The following PTPRD variants were observed in gnomAD, a reference collection of about 807,000 sequenced individuals.
PTPRD encodes receptor-type tyrosine-protein phosphatase delta.
Under a neutral mutation model 214.5 loss-of-function variants are expected in PTPRD, and 34 were observed. The ratio of observed to expected loss-of-function variants is 0.16; its 90% CI spans 0.12 to 0.21. PTPRD has a LOEUF of 0.21. Ranked by LOEUF, PTPRD falls within the 10% of genes least tolerant of loss-of-function variation. The pLI is 1.00. For missense variants in PTPRD, 2,545 were observed against 2,398.7 expected (o/e 1.06, Z -1.27); for synonymous variants, 1,128 against 845.7 (o/e 1.33, Z -5.79).
intron 3 of PTPRD, among the ~76,000 whole-genome samples, chr9:10,271,281 C>A (rs1246994345): frequency 2.0e-5 from 3 of 152,110 alleles, no homozygotes; most frequent in African/African-American, 7.2e-5. Flanking sequence ...AGAAGACAAT[C>A]TATGTACATT....
Position 9,950,586 on chromosome 9 carries a change from A to AGGTGGTGGACGCCTGTAGTC in PTPRD, c.-471-11996_-471-11977dup, listed in dbSNP as rs984669440. Among the ~76,000 whole-genome samples the AGGTGGTGGACGCCTGTAGTC allele has an allele frequency of 6.1e-5, 5 of 81,416 alleles. 1 individual carries two copies. Among genetic ancestry groups the AGGTGGTGGACGCCTGTAGTC allele is most frequent in the African/African-American group, 3.2e-4 (3 of 9,374 alleles). 53.4% of individuals were successfully genotyped at this position (81,416 alleles called of 152,430 possible). On this transcript the variant is annotated intron_variant, in intron 4 of 45. Coordinates refer to ENST00000381196, the MANE Select transcript of PTPRD (RefSeq NM_002839.4). ...AAAAATACAAAAAATTAGCCGGGCG[A>AGGTGGTGGACGCCTGTAGTC]GGTGGTGGACGCCTGTAGTCCCAGC...
intron 4 of PTPRD, among the ~76,000 whole-genome samples, chr9:9,941,128 G>C (rs1566557457): frequency 6.6e-6 from 1 of 152,152 alleles, no homozygotes; most frequent in Non-Finnish European, 1.5e-5. Flanking sequence ...TTGTGAATTT[G>C]TGTTGGGCTA....
Position 8,553,554 on chromosome 9 carries a change from T to C in PTPRD, c.353-24775A>G, listed in dbSNP as rs112189116. Among the ~76,000 whole-genome samples, 347 of 152,260 alleles carry C rather than the reference T, an allele frequency of 2.3e-3. 4 individuals are homozygous for C. The highest frequency in any genetic ancestry group is 7.6e-3 in the African/African-American group (314 of 41,542). On this transcript the variant is annotated intron_variant, in intron 14 of 45. Transcript: ENST00000381196. Reference sequence around the variant, plus strand: ...ATCAACTACACTATCTACCAGGAGATAGTAATAATAAATACGAAAGCTATA... The same window carrying C: ...ATCAACTACACTATCTACCAGGAGACAGTAATAATAAATACGAAAGCTATA...
intron 3 of PTPRD, among the ~76,000 whole-genome samples, chr9:10,249,151 A>T (rs1238875682): frequency 1.3e-5 from 2 of 152,182 alleles, no homozygotes; most frequent in African/African-American, 4.8e-5. Flanking sequence ...ATTTTGAGAC[A>T]TCTATGCTTT....
chr9:8,344,767 T>C (rs1855942075), intron 39 of PTPRD, among the ~76,000 whole-genome samples: 1 of 152,028 alleles, frequency 6.6e-6, no homozygotes, highest in Non-Finnish European at 1.5e-5. Flanking sequence ...TGGCTGTGTG[T>C]CCTTGAGAAA....
chr9:8,702,790 G>C (rs1597412472), intron 12 of PTPRD, among the ~76,000 whole-genome samples: 1 of 152,144 alleles, frequency 6.6e-6, no homozygotes, highest in Non-Finnish European at 1.5e-5. Context: ...TGTATTTTTA[G>C]TAAAGACGGG....
chr9:8,756,884 T>C (rs2094027448), intron 11 of PTPRD, among the ~76,000 whole-genome samples: 1 of 152,154 alleles, frequency 6.6e-6, no homozygotes, highest in Non-Finnish European at 1.5e-5. Flanking sequence ...CTCAAGCATG[T>C]AATCCCAGCA....
At chr9:9,100,979 A>T (rs1450062769) in intron 10 of PTPRD, among the ~76,000 whole-genome samples, 1 of 151,456 alleles carries the variant, frequency 6.6e-6, no homozygotes, top group Non-Finnish European at 1.5e-5. Flanking sequence ...GTGAAAGCAG[A>T]TTTATTTTGT....
At chr9:9,644,908 C>A (rs932716923) in intron 7 of PTPRD, among the ~76,000 whole-genome samples, 14 of 152,190 alleles carry the variant, frequency 9.2e-5, no homozygotes, top group African/African-American at 3.4e-4. Flanking sequence ...CTCCATCATT[C>A]AATAAAATCT....
At chr9:9,220,210 C>G (rs1360797125) in intron 9 of PTPRD, among the ~76,000 whole-genome samples, 2 of 151,840 alleles carry the variant, frequency 1.3e-5, no homozygotes, top group East Asian at 3.9e-4. Flanking sequence ...AATAAATGGA[C>G]ACATTCAAAT....
chr9:10,480,767 G>C (rs891876977), intron 2 of PTPRD, among the ~76,000 whole-genome samples: 5 of 151,858 alleles, frequency 3.3e-5, no homozygotes, highest in Admixed American at 2.6e-4. Context: ...ATAAAAGAAA[G>C]AGTTCCACAA....
At chr9:9,796,388 G>T (rs780201128) in intron 5 of PTPRD, among the ~76,000 whole-genome samples, 4 of 152,138 alleles carry the variant, frequency 2.6e-5, no homozygotes, top group African/African-American at 9.7e-5. Flanking sequence ...GCTGTCTGAG[G>T]AATCAATGAA....
intron 9 of PTPRD, among the ~76,000 whole-genome samples, chr9:9,303,820 C>A (rs1956257667): frequency 6.6e-6 from 1 of 152,102 alleles, no homozygotes; most frequent in Admixed American, 6.6e-5. Context: ...GGCAAACAAA[C>A]AAACACTGGC....
chr9:8,473,453 C>T (rs1055493758), intron 30 of PTPRD, among the ~76,000 whole-genome samples: 6 of 152,136 alleles, frequency 3.9e-5, no homozygotes, highest in Non-Finnish European at 8.8e-5. Context: ...TGCAACTGAG[C>T]GTACAAAATC....
chr9:9,483,780 CTT>C (rs201946678), intron 8 of PTPRD, among the ~76,000 whole-genome samples: 16 of 137,732 alleles, frequency 1.2e-4, no homozygotes, highest in Admixed American at 1.5e-4. Context: ...TGTCTTCTTT[CTT>C]TTTTTTTTTT....
intron 12 of PTPRD, among the ~76,000 whole-genome samples, chr9:8,699,124 T>G (rs1351667757): frequency 6.6e-6 from 1 of 152,194 alleles, no homozygotes; most frequent in Non-Finnish European, 1.5e-5. Context: ...AATACAGAAT[T>G]TATGATCCTT....
intron 3 of PTPRD, among the ~76,000 whole-genome samples, chr9:10,218,095 T>C (rs1233274789): frequency 2.0e-5 from 3 of 151,954 alleles, no homozygotes; most frequent in Admixed American, 6.6e-5. Flanking sequence ...GGCCAGAAAC[T>C]ATTAGATTTT....
chr9:8,575,556 G>A (rs2092209169), intron 14 of PTPRD, among the ~76,000 whole-genome samples: 1 of 152,022 alleles, frequency 6.6e-6, no homozygotes, highest in Non-Finnish European at 1.5e-5. Flanking sequence ...TTTACCAGAC[G>A]ATAATCTAGA....
chr9:10,360,888 G>A (rs947607856), intron 2 of PTPRD, among the ~76,000 whole-genome samples: 1 of 152,108 alleles, frequency 6.6e-6, no homozygotes, highest in Non-Finnish European at 1.5e-5. Flanking sequence ...AGATCGCGAG[G>A]TCAGGAGATC....
Sources: allele counts gnomAD v4.1 joint callset (sites outside exome capture counted in the v4.1 genomes callset), GRCh38; gene constraint gnomAD v4.1.1; transcripts MANE v1.5; gene names NCBI Gene and HGNC (gene_info 2026-07-23, HGNC 2026-07-21).